ZNF782: variants seen among roughly 807,000 people sequenced by gnomAD.
The protein encoded by ZNF782 is zinc finger protein 782.
In ZNF782, 12 loss-of-function variants were observed where a neutral mutation model predicts 13.0. The ratio of observed to expected loss-of-function variants is 0.92; its 90% CI spans 0.59 to 1.50. The LOEUF (loss-of-function observed/expected upper bound fraction) is 1.50. ZNF782 is among the 40% of genes most tolerant of loss of function. The pLI is 0.00. For synonymous variants in ZNF782, 284 were observed against 283.0 expected (o/e 1.00, Z -0.04); for missense variants, 770 against 822.9 (o/e 0.94, Z 0.79).
chr9:96,823,686 A>T (rs79490656), intron 5 of ZNF782, among the ~76,000 whole-genome samples: 2,953 of 152,324 alleles, frequency 0.019, 84 homozygotes, highest in African/African-American at 0.067. Flanking sequence ...TGCCTTAGCA[A>T]TTCATAACCG....
Position 96,864,877 on chromosome 9 carries a change from TAAAAAA to T in ZNF782, c.-456-3280_-456-3275del, listed in dbSNP as rs35546553. On this transcript the variant is annotated intron_variant, in intron 1 of 5. Transcript: ENST00000498811. ...GAGACCCTATCTCCACAAAAAGAACTAAAAAAAAAAAAAAAAAAAAAATCCCAGCTC... is the reference window on the plus strand; with the variant it reads ...GAGACCCTATCTCCACAAAAAGAACTAAAAAAAAAAAAAAAATCCCAGCTC... Among the ~76,000 whole-genome samples, 840 of 92,832 alleles carry T rather than the reference TAAAAAA, an allele frequency of 9.0e-3. 11 individuals carry two copies. The highest frequency in any genetic ancestry group is 0.03 in the African/African-American group (788 of 26,528). 60.9% of individuals were successfully genotyped at this position (92,832 alleles called of 152,430 possible). A position where few individuals can be genotyped will look rare whatever the true frequency, so the allele number is the denominator to read the frequency against.
chr9:96,879,588 A>G (rs10739262), upstream of ZNF782, among the ~76,000 whole-genome samples: 133,392 of 152,224 alleles, frequency 0.88, 58,656 homozygotes, highest in African/African-American at 0.93. Context: ...AGTTGGTGAG[A>G]CGCCCTGTGA....
At chr9:96,895,788 G>A in the ZNF782 span, 2 of 152,140 alleles carry the variant, frequency 1.3e-5, no homozygotes, top group African/African-American at 4.8e-5. Flanking sequence ...TATCTCTGTA[G>A]CTGCAGAATA....
chr9:96,913,817 A>G, the ZNF782 span, among the ~76,000 whole-genome samples: 19 of 150,818 alleles, frequency 1.3e-4, no homozygotes, highest in East Asian at 3.5e-3. Flanking sequence ...TTAAACTTTT[A>G]AAATTGGTTT....
At chr9:96,877,735 C>G (rs1324623560), upstream of ZNF782, among the ~76,000 whole-genome samples, 2 of 152,200 alleles carry the variant, frequency 1.3e-5, no homozygotes, top group Non-Finnish European at 2.9e-5. Context: ...TGGGGTCGTT[C>G]CCGGTGGATG....
chr9:96,918,340 G>C, the ZNF782 span, among the ~76,000 whole-genome samples: 1 of 148,166 alleles, frequency 6.7e-6, no homozygotes, highest in Non-Finnish European at 1.5e-5. Context: ...AACTCCGGAG[G>C]CGGAGGTTGC....
chr9:96,899,934 G>A, the ZNF782 span, among the ~76,000 whole-genome samples: 1 of 151,340 alleles, frequency 6.6e-6, no homozygotes, highest in Admixed American at 6.6e-5. Context: ...TGAGTAGCTG[G>A]GACTATAGGT....
chr9:96,843,218 T>G (rs1395659020), intron 4 of ZNF782, among the ~76,000 whole-genome samples: 1 of 152,124 alleles, frequency 6.6e-6, no homozygotes, highest in Non-Finnish European at 1.5e-5. Flanking sequence ...AAAACTTATG[T>G]TCACAAAAAA....
chr9:96,843,981 AG>A (rs1272372373), intron 4 of ZNF782, among the ~76,000 whole-genome samples: 1 of 152,230 alleles, frequency 6.6e-6, no homozygotes, highest in Non-Finnish European at 1.5e-5. Context: ...GGTCACTTAA[AG>A]AAGATTTATG....
At chr9:96,872,961 A>G (rs1851844583) in intron 1 of ZNF782, among the ~76,000 whole-genome samples, 1 of 152,194 alleles carries the variant, frequency 6.6e-6, no homozygotes, top group East Asian at 1.9e-4. Context: ...AAAAAAGTGG[A>G]AGTACAGAAA....
rs754452047 is a variant in ZNF782, at chr9:96,818,208, G to A, written c.1815C>T (p.Leu605=). The change falls in exon 6 of 6, where the codon CTC becomes CTT. Residue 605 remains leucine (L), a synonymous_variant. Coordinates refer to ENST00000481138, the MANE Select transcript of ZNF782 (RefSeq NM_001001662.3). ...CAGTGTGAGTTCTCTGATGCCCTCT[G>A]AGATTTGATTTCTGCCTGAATGTTT... ...CGKTFRQKSN[L]RGHQRTHTGE... 5.0e-6 allele frequency: 8 copies of A among 1,613,034 alleles called. No individual in the cohort carries two copies. The highest frequency in any genetic ancestry group is 1.7e-5 in the Admixed American group (1 of 59,926).
chr9:96,930,255 T>C, the ZNF782 span, among the ~76,000 whole-genome samples: 1 of 152,222 alleles, frequency 6.6e-6, no homozygotes, highest in South Asian at 2.1e-4. Flanking sequence ...CCGGGCGCGG[T>C]GGCTCACGCC....
the ZNF782 span, chr9:96,910,247 G>C: frequency 3.1e-6 from 2 of 654,076 alleles, no homozygotes; most frequent in Non-Finnish European, 5.7e-6. Flanking sequence ...AGAAGGGGAA[G>C]AAAGTGGGGA....
intron 3 of ZNF782, among the ~76,000 whole-genome samples, chr9:96,849,563 C>G (rs35191850): frequency 6.6e-6 from 1 of 152,232 alleles, no homozygotes; most frequent in Non-Finnish European, 1.5e-5. Context: ...CATAGAAATT[C>G]TAGAAGACAA....
upstream of ZNF782, among the ~76,000 whole-genome samples, chr9:96,879,324 TA>T (rs35770021): frequency 3.3e-5 from 5 of 151,938 alleles, no homozygotes; most frequent in African/African-American, 1.2e-4. Context: ...CTGTCTCCAC[TA>T]AAAAAACAAA....
chr9:96,878,861 G>C (rs74483159), upstream of ZNF782, among the ~76,000 whole-genome samples: 1 of 152,274 alleles, frequency 6.6e-6, no homozygotes, highest in Non-Finnish European at 1.5e-5. Context: ...TGCTAACAGG[G>C]AGTCCTCAAA....
intron 5 of ZNF782, among the ~76,000 whole-genome samples, chr9:96,823,878 C>T (rs971349141): frequency 6.6e-6 from 1 of 152,096 alleles, no homozygotes; most frequent in Admixed American, 6.6e-5. Flanking sequence ...GATTCATAGA[C>T]CAATAACAGG....
the ZNF782 span, among the ~76,000 whole-genome samples, chr9:96,900,676 G>C: frequency 6.6e-6 from 1 of 152,194 alleles, no homozygotes; most frequent in Non-Finnish European, 1.5e-5. Flanking sequence ...GGGAGGCAGA[G>C]ATTGCAGTGA....
the ZNF782 span, among the ~76,000 whole-genome samples, chr9:96,899,548 T>C: frequency 2.0e-5 from 3 of 150,864 alleles, no homozygotes; most frequent in South Asian, 4.1e-4. Flanking sequence ...AGGTAATTTA[T>C]AAATAAAATG....
Sources: gnomAD v4.1 joint callset for allele counts (sites outside exome capture counted in the v4.1 genomes callset) on GRCh38, gnomAD v4.1.1 for gene constraint, MANE v1.5 for transcripts, NCBI Gene and HGNC (gene_info 2026-07-23, HGNC 2026-07-21) for gene names.